The following STAR variants were observed in gnomAD, a reference collection of about 807,000 sequenced individuals.
STAR encodes the protein steroidogenic acute regulatory protein, also known as steroidogenic acute regulatory protein, mitochondrial.
A neutral mutation model predicts 32.3 loss-of-function variants in STAR; 32 were observed. That is an observed-to-expected ratio of 0.99 (90% CI 0.75 to 1.33). The LOEUF (loss-of-function observed/expected upper bound fraction) is 1.33. Ranked by LOEUF, STAR falls within the 40% of genes most tolerant of loss-of-function variation. STAR has a pLI of 0.00. For synonymous variants in STAR, 134 were observed against 140.5 expected (o/e 0.95, Z 0.33); for missense variants, 375 against 379.0 (o/e 0.99, Z 0.09).
Position 38,144,118 on chromosome 8 carries a change from C to T in STAR, c.*155G>A. On this transcript the variant is annotated 3_prime_UTR_variant, in exon 7 of 7. Transcript: ENST00000276449. ...TTTTCTTGGTACTAAAAACTTTCAC[C>T]AATCTGAATCCTAGTGTCATACTCT... is the stretch of plus-strand genomic sequence containing the variant. The T allele has an allele frequency of 1.3e-6, 1 of 783,440 alleles. No homozygotes were observed. Among genetic ancestry groups the T allele is most frequent in the Non-Finnish European group, 2.1e-6 (1 of 467,928 alleles). 48.5% of individuals were successfully genotyped at this position (783,440 alleles called of 1,614,324 possible).
In STAR at chr8:38,150,864, C is replaced by CT; in HGVS notation, c.-47dup. The stretch of plus-strand genomic sequence containing the variant: ...AGTGGTGGGGTCGCTGCCGCTGCTG[C>CT]TGCCGCCGCTGCTGCTGCCTCTTCT... On this transcript the variant is annotated 5_prime_UTR_variant, in exon 1 of 7. Transcript: ENST00000276449. The CT allele has an allele frequency of 6.3e-7, 1 of 1,599,310 alleles. No homozygotes were observed. The highest frequency in any genetic ancestry group is 8.5e-7 in the Non-Finnish European group (1 of 1,179,658).
chr8:38,144,491 T>C, intron 6 of STAR, 105 bp from the exon 7 acceptor site: 1 of 1,527,330 alleles, frequency 6.5e-7, no homozygotes, highest in Non-Finnish European at 8.8e-7. Flanking sequence ...CTTCGAGCTC[T>C]GTTAATAGGT....
At chr8:38,150,421 GA>G (rs1417497628) in intron 1 of STAR, among the ~76,000 whole-genome samples, 6 of 136,710 alleles carry the variant, frequency 4.4e-5, no homozygotes, top group East Asian at 2.1e-4. Flanking sequence ...AAAGGCGGAA[GA>G]AAAAAAGAAC....
In STAR at chr8:38,144,401, A is replaced by G; in HGVS notation, c.745-15T>C. ...GGCAGCCACCCCTGCAGTAGGAGGT[A>G]GGAGAATTTGGCCATCTTGTGGGTT... On this transcript the variant is annotated splice_polypyrimidine_tract_variant and intron_variant, in intron 6 of 6. Coordinates refer to ENST00000276449, the MANE Select transcript of STAR (RefSeq NM_000349.3). 7 of 1,575,538 alleles carry G rather than the reference A, an allele frequency of 4.4e-6. No individual in the cohort carries two copies. The highest frequency in any genetic ancestry group is 2.3e-5 in the East Asian group (1 of 42,636).
chr8:38,149,389 C>T (rs1201719045), intron 1 of STAR, among the ~76,000 whole-genome samples: 1 of 152,166 alleles, frequency 6.6e-6, no homozygotes, highest in Non-Finnish European at 1.5e-5. Flanking sequence ...ACTTGTGTAC[C>T]CTTCAGTGGC....
intron 2 of STAR, 65 bp from the exon 3 acceptor site, chr8:38,148,392 C>G: frequency 6.2e-7 from 1 of 1,603,950 alleles, no homozygotes; most frequent in Non-Finnish European, 8.5e-7. Flanking sequence ...GCTCTCATCC[C>G]TGGAGCTCTG....
chr8:38,150,676 A>G lies in STAR; in HGVS notation c.64+79T>C, dbSNP rs943693889. ...GGTTCACCCAGTAAGAGGCACAACT[A>G]GGATCAGAATTGGGTGGCCTGAGCC... On this transcript the variant is annotated intron_variant, in intron 1 of 6. Coordinates refer to ENST00000276449, the MANE Select transcript of STAR (RefSeq NM_000349.3). 5.6e-6 allele frequency: 9 copies of G among 1,596,066 alleles called. No homozygotes were observed. The African/African-American group carries it at 8.0e-5, about 14-fold the overall frequency.
chr8:38,144,721 G>A, intron 6 of STAR: 1 of 1,058,620 alleles, frequency 9.4e-7, no homozygotes, highest in Non-Finnish European at 1.2e-6. Context: ...GAACTTTGCT[G>A]TGAGACAGAA....
chr8:38,144,739 A>G, intron 6 of STAR: 2 of 899,950 alleles, frequency 2.2e-6, no homozygotes, highest in Non-Finnish European at 2.9e-6. Context: ...GAAGAGGGCC[A>G]GGCGCAGTGG....
intron 3 of STAR, among the ~76,000 whole-genome samples, chr8:38,146,804 G>A (rs1428381085): frequency 6.7e-6 from 1 of 149,148 alleles, no homozygotes; most frequent in South Asian, 2.1e-4. Context: ...TATATTCTTA[G>A]TCTAGGTCCC....
At chr8:38,145,150 A>T in intron 6 of STAR, 72 bp downstream of exon 6, 1 of 1,609,032 alleles carries the variant, frequency 6.2e-7, no homozygotes, top group Non-Finnish European at 8.5e-7. Flanking sequence ...TTTCTGCAGC[A>T]TGGGGGGAAT....
chr8:38,144,878 A>G (rs986908446), intron 6 of STAR: 35 of 666,092 alleles, frequency 5.3e-5, no homozygotes, highest in Non-Finnish European at 7.4e-5. Flanking sequence ...GTGTGGTGGC[A>G]CACGCCTGTA....
At chr8:38,148,083 C>T in intron 3 of STAR, 117 bp downstream of exon 3, 1 of 1,420,022 alleles carries the variant, frequency 7.0e-7, no homozygotes, top group Non-Finnish European at 9.7e-7. Context: ...GATAAAACCA[C>T]TTGCTACCCA....
intron 5 of STAR, chr8:38,145,526 C>T: frequency 1.5e-6 from 1 of 664,368 alleles, no homozygotes; most frequent in Non-Finnish European, 2.6e-6. Context: ...GGAGCAGCCC[C>T]TGCGGCCTCT....
chr8:38,149,949 T>C (rs966333622), intron 1 of STAR, among the ~76,000 whole-genome samples: 1 of 152,080 alleles, frequency 6.6e-6, no homozygotes, highest in Non-Finnish European at 1.5e-5. Flanking sequence ...GGCGAAACCC[T>C]GTCTCTACTA....
In STAR at chr8:38,145,236, T is replaced by C; in HGVS notation, c.730A>G (p.Ser244Gly). 6.2e-7 allele frequency: 1 copy of C among 1,614,140 alleles called. No individual in the cohort carries two copies. Among genetic ancestry groups the C allele is most frequent in the African/African-American group, 1.3e-5 (1 of 75,050 alleles). ...ATGCCCTTCACCTTGAGGTCGATGC[T>C]GAGTAGCCACGTAAGTTTGGTCTTA... ...PSKTKLTWLL[S>G]IDLKGWLPKS... The change falls in exon 6 of 7, where the codon AGC (serine) becomes GGC (glycine). Residue 244 changes from serine to glycine, a missense_variant. Coordinates refer to ENST00000276449, the MANE Select transcript of STAR (RefSeq NM_000349.3).
chr8:38,144,755 G>A lies in STAR; in HGVS notation c.745-369C>T, dbSNP rs759612153. On this transcript the variant is annotated intron_variant, in intron 6 of 6. Transcript: ENST00000276449. Reference sequence around the variant, plus strand: ...AAGAGGGCCAGGCGCAGTGGCTCACGCCTGTAATCCCAGCACTTTTGGAGG... The same window carrying A: ...AAGAGGGCCAGGCGCAGTGGCTCACACCTGTAATCCCAGCACTTTTGGAGG... 28 of 759,588 alleles carry A rather than the reference G, an allele frequency of 3.7e-5. 1 individual carries two copies. The highest frequency in any genetic ancestry group is 1.5e-4 in the Admixed American group (4 of 25,914). 47.1% of individuals were successfully genotyped at this position (759,588 alleles called of 1,614,324 possible).
rs1802618974 is a variant in STAR, at chr8:38,148,682, C to G, written c.137G>C (p.Ser46Thr). The G allele has an allele frequency of 6.2e-7, 1 of 1,614,158 alleles. No homozygotes were observed. ...CCGCCGAACCTGGTTAATCCACGTG[C>G]TAGGGGTGGGGCCCCCCAGGGCCCT... ...NRRALGGPTP[S>T]TWINQVRRRS... The change falls in exon 2 of 7, where the codon AGC (serine) becomes ACC (threonine). Residue 46 changes from serine (S) to threonine (T), a missense_variant. Transcript: ENST00000276449.
At chr8:38,150,446 G>C (rs1802647768) in intron 1 of STAR, among the ~76,000 whole-genome samples, 1 of 148,960 alleles carries the variant, frequency 6.7e-6, no homozygotes, top group African/African-American at 2.5e-5. Flanking sequence ...TGAAGGAAAA[G>C]GGGAAGGAAG....
Sources: gnomAD v4.1 joint callset for allele counts (sites outside exome capture counted in the v4.1 genomes callset) on GRCh38, gnomAD v4.1.1 for gene constraint, MANE v1.5 for transcripts, NCBI Gene and HGNC (gene_info 2026-07-23, HGNC 2026-07-21) for gene names.